DENND1C: variants seen among roughly 807,000 people sequenced by gnomAD.
The protein encoded by DENND1C is DENN domain-containing protein 1C.
In DENND1C, 64 loss-of-function variants were observed where a neutral mutation model predicts 87.9. The ratio of observed to expected loss-of-function variants is 0.73; its 90% CI spans 0.60 to 0.90. The LOEUF is 0.90. Ranked by LOEUF, DENND1C falls within the 40% of genes least tolerant of loss-of-function variation. The probability of loss-of-function intolerance (pLI) is 0.00; values close to 1 mark genes in which losing one functional copy is unlikely to be tolerated. For missense variants in DENND1C, 980 were observed against 1,037.0 expected (o/e 0.95, Z 0.76); for synonymous variants, 384 against 424.4 (o/e 0.90, Z 1.17).
intron 18 of DENND1C, chr19:6,469,989 C>A (rs2092818497): frequency 2.2e-6 from 1 of 462,972 alleles, no homozygotes; most frequent in Non-Finnish European, 3.9e-6. Context: ...AAAGGCAGAA[C>A]CTGGAATTGT....
intron 9 of DENND1C, 52 bp downstream of exon 9, chr19:6,477,022 C>A (rs866399502): frequency 6.2e-7 from 1 of 1,613,290 alleles, no homozygotes; most frequent in South Asian, 1.1e-5. Flanking sequence ...CTTGCATCCC[C>A]GGTCCGGGTT....
At chr19:6,475,226 T>G in intron 14 of DENND1C, 48 bp downstream of exon 14, 1 of 1,608,454 alleles carries the variant, frequency 6.2e-7, no homozygotes, top group Non-Finnish European at 8.5e-7. Flanking sequence ...ACATTGCGAT[T>G]CATTCAGGAA....
chr19:6,481,766 A>C lies in DENND1C; in HGVS notation c.-71T>G. 1 of 1,458,622 alleles carries C rather than the reference A, an allele frequency of 6.9e-7. No individual in the cohort carries two copies. Among genetic ancestry groups the C allele is most frequent in the South Asian group, 1.4e-5 (1 of 70,244 alleles). The allele number at this position is 1,458,622 out of a possible 1,614,324, so 90.4% of individuals were successfully genotyped here. A position where few individuals can be genotyped will look rare whatever the true frequency, so the allele number is the denominator to read the frequency against. ...TGGGGGCCTGTGTATGCTGGGCCCC[A>C]AGCCGGCTCAGCTTCCTGTGTGGCT... On this transcript the variant is annotated 5_prime_UTR_variant, in exon 1 of 23. Transcript: ENST00000381480.
chr19:6,479,002 G>C lies in DENND1C; in HGVS notation c.231C>G (p.Ala77=). The change falls in exon 5 of 23, where the codon GCC becomes GCG. Residue 77 remains alanine (A), a synonymous_variant. Coordinates refer to ENST00000381480, the MANE Select transcript of DENND1C (RefSeq NM_024898.4). ...GGCAGAAACCAAATCTGCGGTTGCCGGCAAGGTCTGTGAGGGCGAAGGTGA... is the reference window on the plus strand; with the variant it reads ...GGCAGAAACCAAATCTGCGGTTGCCCGCAAGGTCTGTGAGGGCGAAGGTGA... The part of the protein sequence containing the change: ...QHFTFALTDL[A]GNRRFGFCRL... 2 of 1,613,948 alleles carry C rather than the reference G, an allele frequency of 1.2e-6. No individual in the cohort carries two copies. Among genetic ancestry groups the C allele is most frequent in the Non-Finnish European group, 1.7e-6 (2 of 1,179,878 alleles).
intron 6 of DENND1C, among the ~76,000 whole-genome samples, chr19:6,477,792 G>T (rs2092871778): frequency 6.7e-6 from 1 of 148,662 alleles, no homozygotes; most frequent in African/African-American, 2.4e-5. Flanking sequence ...GGCCGGGCGC[G>T]GTGGCTCGCG....
At chr19:6,469,301 G>A (rs1468856224) in intron 19 of DENND1C, among the ~76,000 whole-genome samples, 1 of 152,118 alleles carries the variant, frequency 6.6e-6, no homozygotes, top group Non-Finnish European at 1.5e-5. Flanking sequence ...AAAGTGCTGG[G>A]GTTACAGGCG....
rs201705846 is a variant in DENND1C, at chr19:6,477,100, C to T, written c.541G>A (p.Gly181Ser). 4.4e-6 allele frequency: 7 copies of T among 1,605,990 alleles called. No individual in the cohort carries two copies. The highest frequency in any genetic ancestry group is 2.2e-5 in the South Asian group (2 of 90,580). Residue 181 changes from glycine (G) to serine (S), a missense_variant, in exon 9 of 23, where the codon GGC (glycine) becomes AGC (serine). Physicochemically the swap from Gly to Ser is moderately conservative, Grantham distance 56. Transcript: ENST00000381480. ...PLSCFVAPDSGRLPSIPENRN... is the reference protein window; with the variant it reads ...PLSCFVAPDSSRLPSIPENRN... ...TTCTCAGGGATGGATGGCAGGCGGC[C>T]GGAGTCCGGGGCCACGAAGCAGGAA...
At chr19:6,477,152 T>TGC (rs2092866297) in intron 8 of DENND1C, 25 bp from the exon 9 acceptor site, 2 of 1,598,690 alleles carry the variant, frequency 1.3e-6, no homozygotes, top group Non-Finnish European at 1.7e-6. Context: ...GGCAGGGGGA[T>TGC]CAATCAGTCA....
At chr19:6,477,314 A>G in intron 7 of DENND1C, 31 bp from the exon 8 acceptor site, 1 of 1,604,134 alleles carries the variant, frequency 6.2e-7, no homozygotes, top group Non-Finnish European at 8.5e-7. Context: ...TGTGGTCATG[A>G]TGGCTGGGAC....
At chr19:6,472,472 C>G (rs1400698544) in intron 15 of DENND1C, among the ~76,000 whole-genome samples, 1 of 152,158 alleles carries the variant, frequency 6.6e-6, no homozygotes, top group Non-Finnish European at 1.5e-5. Flanking sequence ...CTCACTGCAA[C>G]GTCTGCCTCC....
At chr19:6,477,932 C>T (rs1025699251) in intron 6 of DENND1C, among the ~76,000 whole-genome samples, 13 of 149,004 alleles carry the variant, frequency 8.7e-5, no homozygotes, top group African/African-American at 1.7e-4. Context: ...AAAAATTAGC[C>T]GGGCTGGTGG....
Position 6,468,277 on chromosome 19 carries a change from A to C in DENND1C, c.1748T>G (p.Leu583Ter). ...CAGGTCTCCTCTGTGACAGCAGTCTAAACTCTGGCTCGGTCTCAGGCTGCC... is the reference window on the plus strand; with the variant it reads ...CAGGTCTCCTCTGTGACAGCAGTCTCAACTCTGGCTCGGTCTCAGGCTGCC... The part of the protein sequence containing the change: ...SAGSLRPSQS[L>*]DCCHRGDLDS... Residue 583 changes from leucine (L) to a stop codon, truncating the protein, a stop_gained, in exon 22 of 23, where the codon TTA becomes TGA. Coordinates refer to ENST00000381480, the MANE Select transcript of DENND1C (RefSeq NM_024898.4). LOFTEE classifies it low-confidence loss of function (END_TRUNC). 6.2e-7 allele frequency: 1 copy of C among 1,613,658 alleles called. No homozygotes were observed. Among genetic ancestry groups the C allele is most frequent in the Non-Finnish European group, 8.5e-7 (1 of 1,179,750 alleles).
At chr19:6,471,364 T>C (rs1599380413) in intron 16 of DENND1C, 42 bp downstream of exon 16, 2 of 1,585,014 alleles carry the variant, frequency 1.3e-6, no homozygotes, top group Non-Finnish European at 1.7e-6. Flanking sequence ...GGGGTGCTGG[T>C]GGCGGGTAGT....
chr19:6,477,111 G>T lies in DENND1C; in HGVS notation c.530C>A (p.Ala177Asp). ...GGATGGCAGGCGGCCGGAGTCCGGG[G>T]CCACGAAGCAGGAAAGCTGGTGGGG... is the stretch of plus-strand genomic sequence containing the variant. ...GNSKPLSCFV[A>D]PDSGRLPSIP... is the part of the protein sequence containing the mutation. The change falls in exon 9 of 23, where the codon GCC becomes GAC. Residue 177 changes from alanine to aspartate, a missense_variant. Ala to Asp is a moderately radical substitution (Grantham distance 126). Transcript: ENST00000381480. The T allele has an allele frequency of 6.2e-7, 1 of 1,606,022 alleles. No individual in the cohort carries two copies. The highest frequency in any genetic ancestry group is 8.5e-7 in the Non-Finnish European group (1 of 1,176,162).
intron 17 of DENND1C, 118 bp downstream of exon 17, chr19:6,471,147 C>G: frequency 7.2e-7 from 1 of 1,396,362 alleles, no homozygotes; most frequent in Non-Finnish European, 9.8e-7. Flanking sequence ...GGTTTCGTCA[C>G]GTTGCCCTAA....
chr19:6,476,994 G>C, intron 9 of DENND1C, 27 bp from the exon 10 acceptor site: 1 of 1,613,586 alleles, frequency 6.2e-7, no homozygotes, highest in Non-Finnish European at 8.5e-7. Flanking sequence ...CGCTCTGGGC[G>C]TGGACGGGCC....
rs113322610 is a variant in DENND1C at position 6,476,261 on chromosome 19, A to G, written c.679-324T>C. 119 of 338,344 alleles carry G rather than the reference A, an allele frequency of 3.5e-4. 1 individual carries two copies. The highest frequency in any genetic ancestry group is 2.4e-3 in the African/African-American group (109 of 45,924). 21.0% of individuals were successfully genotyped at this position (338,344 alleles called of 1,614,324 possible). A position where few individuals can be genotyped will look rare whatever the true frequency, so the allele number is the denominator to read the frequency against. On this transcript the variant is annotated intron_variant, in intron 10 of 22. Coordinates refer to ENST00000381480, the MANE Select transcript of DENND1C (RefSeq NM_024898.4). ...ACTGACTCCACCCCGAAAGAGGTGG[A>G]GCTATGACGTAGACCGCCCTTGTCC... is the stretch of plus-strand genomic sequence containing the variant.
At chr19:6,470,841 C>T (rs965111144) in intron 17 of DENND1C, among the ~76,000 whole-genome samples, 1 of 151,712 alleles carries the variant, frequency 6.6e-6, no homozygotes, top group Admixed American at 6.6e-5. Flanking sequence ...AGGATGGTCT[C>T]GATCTCCTGA....
chr19:6,479,076 TAGAG>T lies in DENND1C; in HGVS notation c.177-24_177-21del, dbSNP rs758142816. The T allele has an allele frequency of 2.2e-5, 35 of 1,613,426 alleles. No homozygotes were observed. Among genetic ancestry groups the T allele is most frequent in the Non-Finnish European group, 2.6e-5 (31 of 1,179,716 alleles). ...GGCTCCCTGGAGTGGGAAGGGCTGT[TAGAG>T]AGACCTGGACATCCCAGCTGTCTGA... On this transcript the variant is annotated intron_variant, in intron 4 of 22. Transcript: ENST00000381480.
Sources: allele counts gnomAD v4.1 joint callset (sites outside exome capture counted in the v4.1 genomes callset), GRCh38; gene constraint gnomAD v4.1.1; transcripts MANE v1.5; gene names NCBI Gene and HGNC (gene_info 2026-07-23, HGNC 2026-07-21).